The following ADGRD1 variants were observed in gnomAD, a reference collection of about 807,000 sequenced individuals.
ADGRD1 encodes adhesion G protein-coupled receptor D1.
Under a neutral mutation model 113.4 loss-of-function variants are expected in ADGRD1, and 77 were observed. The ratio of observed to expected loss-of-function variants is 0.68; its 90% CI spans 0.57 to 0.82. ADGRD1 has a LOEUF of 0.82. Among genes scored for constraint, ADGRD1 ranks in the 40% least tolerant of loss-of-function variants. The pLI, the probability that ADGRD1 is intolerant of heterozygous loss-of-function variation, is 0.00. For missense variants in ADGRD1, 1,036 were observed against 1,139.1 expected (o/e 0.91, Z 1.30); for synonymous variants, 474 against 475.0 (o/e 1.00, Z 0.03).
At chr12:131,092,432 C>T (rs902902885) in intron 15 of ADGRD1, among the ~76,000 whole-genome samples, 2 of 152,142 alleles carry the variant, frequency 1.3e-5, no homozygotes, top group African/African-American at 4.8e-5. Flanking sequence ...GGAGAGCCCC[C>T]GATATTGATA....
chr12:131,091,498 C>T lies in ADGRD1; in HGVS notation c.1671+6835C>T, dbSNP rs1048645440. On this transcript the variant is annotated intron_variant, in intron 15 of 24. Transcript: ENST00000261654. ...GAATGGGGTTGTCACCATGCCAGTG[C>T]GTTTGCAGGGATTTCCAAGGTAACA... Among the ~76,000 whole-genome samples the T allele has an allele frequency of 2.0e-5, 3 of 152,176 alleles. No individual in the cohort carries two copies. The South Asian group carries it at 6.2e-4, about 32-fold the overall frequency.
chr12:131,117,669 A>G (rs1950500837), intron 18 of ADGRD1, among the ~76,000 whole-genome samples: 1 of 152,200 alleles, frequency 6.6e-6, no homozygotes, highest in Admixed American at 6.5e-5. Context: ...CCTGGGTCAC[A>G]TGCCTCAGAG....
chr12:130,964,979 A>G (rs1269475166), intron 2 of ADGRD1, among the ~76,000 whole-genome samples: 1 of 152,186 alleles, frequency 6.6e-6, no homozygotes. Flanking sequence ...ATTTTCTAAT[A>G]CTCATAGATT....
At chr12:131,004,331 G>T in intron 11 of ADGRD1, 35 bp downstream of exon 11, 1 of 1,452,156 alleles carries the variant, frequency 6.9e-7, no homozygotes, top group Admixed American at 1.7e-5. Context: ...CTTCCGGGGC[G>T]GCTCCCTCAA....
intron 13 of ADGRD1, chr12:131,070,548 C>T (rs1023380457): frequency 6.9e-5 from 14 of 203,222 alleles, no homozygotes; most frequent in South Asian, 2.8e-4. Context: ...TAGGGAGAGG[C>T]GGTCTGAGAC....
At chr12:131,095,154 A>G (rs1051492922) in intron 15 of ADGRD1, among the ~76,000 whole-genome samples, 5 of 152,296 alleles carry the variant, frequency 3.3e-5, no homozygotes, top group South Asian at 4.1e-4. Flanking sequence ...CACCTGGGAC[A>G]TTGGGAAATG....
chr12:131,093,956 G>GC (rs879301506), intron 15 of ADGRD1, among the ~76,000 whole-genome samples: 6,574 of 130,410 alleles, frequency 0.05, 212 homozygotes, highest in East Asian at 0.097. Flanking sequence ...GCAGCACCCA[G>GC]CCTCAGCACC....
intron 18 of ADGRD1, 31 bp from the exon 19 acceptor site, chr12:131,118,354 A>C (rs767593536): frequency 6.4e-7 from 1 of 1,559,930 alleles, no homozygotes; most frequent in South Asian, 1.2e-5. Context: ...AACTGGAGCA[A>C]GTGAACATGA....
rs560825971 is a variant in ADGRD1 at position 131,056,285 on chromosome 12, G to A, written c.1474-20516G>A. On this transcript the variant is annotated intron_variant, in intron 13 of 24. Coordinates refer to ENST00000261654, the MANE Select transcript of ADGRD1 (RefSeq NM_198827.5). ...TTACAATCCAGGAGGAAAGTTTGCC[G>A]GCTATAGGGGAAAATCCCAAGTTGC... 3.3e-4 allele frequency among the ~76,000 whole-genome samples: 50 copies of A among 152,326 alleles called. No individual in the cohort carries two copies. In the South Asian group the frequency reaches 6.2e-3, roughly 19 times the overall value.
intron 20 of ADGRD1, among the ~76,000 whole-genome samples, chr12:131,130,775 C>T (rs1950900578): frequency 6.6e-6 from 1 of 152,286 alleles, no homozygotes; most frequent in South Asian, 2.1e-4. Flanking sequence ...CGAAGCTGGC[C>T]ATCCCGTGCG....
chr12:131,064,855 T>C (rs1438373277), intron 13 of ADGRD1, among the ~76,000 whole-genome samples: 1 of 152,240 alleles, frequency 6.6e-6, no homozygotes, highest in Admixed American at 6.5e-5. Flanking sequence ...AGTGCTGAGA[T>C]GCTCCTTTTG....
At chr12:131,088,186 G>A (rs1395982509) in intron 15 of ADGRD1, among the ~76,000 whole-genome samples, 2 of 150,970 alleles carry the variant, frequency 1.3e-5, no homozygotes, top group Non-Finnish European at 2.9e-5. Context: ...CGTCTTACCA[G>A]CAGAGAAACT....
intron 21 of ADGRD1, among the ~76,000 whole-genome samples, chr12:131,132,784 G>C (rs960527605): frequency 1.3e-5 from 2 of 152,172 alleles, no homozygotes; most frequent in African/African-American, 4.8e-5. Flanking sequence ...AAACCACAGG[G>C]CTGAAAGCTG....
chr12:131,074,942 G>A (rs533532259), intron 13 of ADGRD1, among the ~76,000 whole-genome samples: 24 of 152,314 alleles, frequency 1.6e-4, no homozygotes, highest in Middle Eastern at 3.4e-3. Context: ...TCTGAAGTCA[G>A]AGTGTCAGGA....
intron 23 of ADGRD1, 106 bp from the exon 24 acceptor site, chr12:131,138,031 A>G: frequency 8.0e-6 from 7 of 870,950 alleles, no homozygotes; most frequent in East Asian, 2.5e-5. Context: ...CCAAATCCCA[A>G]CCTCCCTCGC....
At chr12:130,986,797 T>C (rs761548272) in intron 5 of ADGRD1, 11 of 357,362 alleles carry the variant, frequency 3.1e-5, no homozygotes, top group Non-Finnish European at 4.6e-5. Flanking sequence ...ATTTTTCAAA[T>C]ATTTTAATCA....
chr12:130,967,533 C>T (rs1018450330), intron 3 of ADGRD1: 1 of 152,824 alleles, frequency 6.5e-6, no homozygotes, highest in African/African-American at 2.4e-5. Flanking sequence ...GTCCCTGTTC[C>T]GTGGGAGGCG....
At chr12:131,095,618 C>A (rs373298586) in intron 15 of ADGRD1, among the ~76,000 whole-genome samples, 3 of 152,184 alleles carry the variant, frequency 2.0e-5, no homozygotes, top group Admixed American at 2.0e-4. Flanking sequence ...ACTGGACGTT[C>A]CCAGGGCAGA....
intron 14 of ADGRD1, 33 bp downstream of exon 14, chr12:131,076,907 T>C (rs1434950787): frequency 6.3e-7 from 1 of 1,581,094 alleles, no homozygotes. Flanking sequence ...CAGGTGGGCA[T>C]GAGGTGTCCA....
Sources: allele counts gnomAD v4.1 joint callset (sites outside exome capture counted in the v4.1 genomes callset), GRCh38; gene constraint gnomAD v4.1.1; transcripts MANE v1.5; gene names NCBI Gene and HGNC (gene_info 2026-07-23, HGNC 2026-07-21).